Variants in TINF2 observed in about 807,000 individuals in gnomAD.
TINF2 encodes the protein TERF1-interacting nuclear factor 2.
In TINF2, 27 loss-of-function variants were observed where a neutral mutation model predicts 50.4. The observed-to-expected ratio is 0.54, with a 90% confidence interval of 0.40 to 0.74. The LOEUF (loss-of-function observed/expected upper bound fraction) is 0.74. Ranked by LOEUF, TINF2 falls within the 30% of genes least tolerant of loss-of-function variation. The pLI, the probability that TINF2 is intolerant of heterozygous loss-of-function variation, is 0.00. For missense variants in TINF2, 496 were observed against 551.5 expected (o/e 0.90, Z 1.01); for synonymous variants, 223 against 214.6 (o/e 1.04, Z -0.34).
In TINF2 at chr14:24,239,882, G is replaced by A. The variant is rs1346082542; in HGVS notation, c.1271C>T (p.Thr424Ile). ...AGAAGGGGGTAGGTATTCACAGAGA[G>A]TGGGTATCAAGGTGTCAAACTTTGT... is the stretch of plus-strand genomic sequence containing the variant. ...QKTKFDTLIPTLCEYLPPSGH... is the reference protein window; with the variant it reads ...QKTKFDTLIPILCEYLPPSGH... The change falls in exon 9 of 9, where the codon ACT (threonine) becomes ATT (isoleucine). Residue 424 changes from threonine (T) to isoleucine (I), a missense_variant. Transcript: ENST00000267415. The A allele has an allele frequency of 6.2e-7, 1 of 1,614,236 alleles. No individual in the cohort carries two copies. The highest frequency in any genetic ancestry group is 1.1e-5 in the South Asian group (1 of 91,084).
Position 24,241,785 on chromosome 14 carries a change from G to A in TINF2, c.298-9C>T, listed in dbSNP as rs748423193. 4 of 1,613,734 alleles carry A rather than the reference G, an allele frequency of 2.5e-6. No homozygotes were observed. Among genetic ancestry groups the A allele is most frequent in the Non-Finnish European group, 3.4e-6 (4 of 1,179,762 alleles). ...CTCAGATCCTGCTTTGTCTGTTGAG[G>A]ATACAGAAGACAGAGAAGTTAGCAC... On this transcript the variant is annotated splice_polypyrimidine_tract_variant and intron_variant, in intron 2 of 8. Coordinates refer to ENST00000267415, the MANE Select transcript of TINF2 (RefSeq NM_001099274.3).
chr14:24,241,416 G>A (rs1194939831), intron 3 of TINF2, 105 bp from the exon 4 acceptor site: 1 of 1,170,292 alleles, frequency 8.5e-7, no homozygotes, highest in Non-Finnish European at 1.3e-6. Context: ...GATCACTTGA[G>A]GTCAGGAGTT....
Position 24,241,926 on chromosome 14 carries a change from A to C in TINF2, c.261T>G (p.Phe87Leu). The C allele has an allele frequency of 6.2e-7, 1 of 1,614,200 alleles. No individual in the cohort carries two copies. Residue 87 changes from phenylalanine to leucine, a missense_variant, in exon 2 of 9, where the codon TTT becomes TTG. Phe to Leu is a conservative substitution (Grantham distance 22, BLOSUM62 0). This residue lies in a region of TINF2 where 314 missense variants were observed against 343.8 expected (regional missense o/e 0.91). Transcript: ENST00000267415. ...AQVLKALNHHFPESGPIVRDP... is the reference protein window; with the variant it reads ...AQVLKALNHHLPESGPIVRDP... ...CCCGCACTATAGGTCCAGATTCTGG[A>C]AAGTGGTGATTCAGGGCTTTCAGGA...
At position 24,240,142 on chromosome 14, in the gene TINF2, A is replaced by C. The variant is rs779074988; in HGVS notation, c.1143T>G (p.Ser381=). ...PRARKPVCPP[S]LCSSVITIGD... ...CTATGGTAATGACGGAGCTGCACAG[A>C]GACGGAGGACACACTGTAGGAGGGA... Residue 381 remains serine (S), a synonymous_variant, in exon 8 of 9, where the codon TCT becomes TCG. Transcript: ENST00000267415. 1 of 1,614,054 alleles carries C rather than the reference A, an allele frequency of 6.2e-7. No homozygotes were observed. The highest frequency in any genetic ancestry group is 1.1e-5 in the South Asian group (1 of 91,072).
chr14:24,240,316 C>T lies in TINF2; in HGVS notation c.1076G>A (p.Cys359Tyr), dbSNP rs368350757. 24 of 1,613,838 alleles carry T rather than the reference C, an allele frequency of 1.5e-5. No homozygotes were observed. The highest frequency in any genetic ancestry group is 4.4e-5 in the South Asian group (4 of 91,078). ...ATEQKENCLD[C>Y]YMDPLRLSLL... The stretch of plus-strand genomic sequence containing the variant: ...TGATAGTCTCAGGGGGTCCATGTAG[C>T]AATCCAAGCAATTCCTGAGGTGAGA... The change falls in exon 7 of 9, where the codon TGC becomes TAC. Residue 359 changes from cysteine to tyrosine, a missense_variant. Cys to Tyr is a radical substitution (Grantham distance 194). Transcript: ENST00000267415.
rs767648367 is a variant in TINF2 at position 24,242,272 on chromosome 14, G to C, written c.61C>G (p.Gln21Glu). The C allele has an allele frequency of 2.5e-5, 40 of 1,613,940 alleles. No individual in the cohort carries two copies. Among genetic ancestry groups the C allele is most frequent in the Non-Finnish European group, 3.3e-5 (39 of 1,180,040 alleles). The stretch of plus-strand genomic sequence containing the variant: ...TCCACGCAGCGTCCGCGCACAACCT[G>C]CCAGCTAGCCGCGGCGGCGAAGCGT... ...ALRFAAAASW[Q>E]VVRGRCVEHF... Residue 21 changes from glutamine to glutamate, a missense_variant, in exon 1 of 9, where the codon CAG becomes GAG. Physicochemically the swap from Gln to Glu is conservative, Grantham distance 29. Around this residue, in one of 3 missense-constraint regions of TINF2, gnomAD observed 314 missense variants for 343.8 expected, o/e 0.91. Coordinates refer to ENST00000267415, the MANE Select transcript of TINF2 (RefSeq NM_001099274.3).
Position 24,240,325 on chromosome 14 carries a change from C to T in TINF2, c.1067G>A (p.Cys356Tyr), listed in dbSNP as rs1459244615. The change falls in exon 7 of 9, where the codon TGC (cysteine) becomes TAC (tyrosine). Residue 356 changes from cysteine (C) to tyrosine (Y), a missense_variant. By Grantham distance (194) the Cys-to-Tyr change is radical. This residue lies in a region of TINF2 where 179 missense variants were observed against 188.3 expected (regional missense o/e 0.95). Transcript: ENST00000267415. Reference protein sequence around the residue: ...DLPATEQKENCLDCYMDPLRL... With the variant: ...DLPATEQKENYLDCYMDPLRL... ...CAGGGGGTCCATGTAGCAATCCAAG[C>T]AATTCCTGAGGTGAGAGCAAGCAAA... 8 of 1,613,990 alleles carry T rather than the reference C, an allele frequency of 5.0e-6. No individual in the cohort carries two copies. Among genetic ancestry groups the T allele is most frequent in the Non-Finnish European group, 6.8e-6 (8 of 1,180,014 alleles).
Position 24,240,109 on chromosome 14 carries a change from C to T in TINF2, c.1176G>A (p.Leu392=), listed in dbSNP as rs1359013328. 6.2e-7 allele frequency: 1 copy of T among 1,614,048 alleles called. No homozygotes were observed. The highest frequency in any genetic ancestry group is 1.7e-5 in the Admixed American group (1 of 60,018). The change falls in exon 8 of 9, where the codon TTG becomes TTA. Residue 392 remains leucine, a synonymous_variant. Coordinates refer to ENST00000267415, the MANE Select transcript of TINF2 (RefSeq NM_001099274.3). The part of the protein sequence containing the change: ...LCSSVITIGD[L]VLDSDEEENG... Reference sequence around the variant, plus strand: ...TTTCTTCCTCATCAGAGTCTAAAACCAAGTCCCCTATGGTAATGACGGAGC... The same window carrying T: ...TTTCTTCCTCATCAGAGTCTAAAACTAAGTCCCCTATGGTAATGACGGAGC...
rs1468911267 is a variant in TINF2 at position 24,240,697 on chromosome 14, G to A, written c.783C>T (p.Ala261=). The change falls in exon 6 of 9, where the codon GCC becomes GCT. Residue 261 remains alanine, a synonymous_variant. Transcript: ENST00000267415. ...ACTGAACTCTTCGTCGGCCTAGAGG[G>A]GCCAGATTGAAGTGTCGGCCAGCTA... ...EPLAGRHFNL[A]PLGRRRVQSQ... is the part of the protein sequence containing the mutation. The A allele has an allele frequency of 1.9e-6, 3 of 1,613,976 alleles. No homozygotes were observed.
Position 24,240,158 on chromosome 14 carries a change from G to A in TINF2, c.1130-3C>T. The A allele has an allele frequency of 6.2e-7, 1 of 1,614,064 alleles. No homozygotes were observed. The highest frequency in any genetic ancestry group is 8.5e-7 in the Non-Finnish European group (1 of 1,179,990). On this transcript the variant is annotated splice_polypyrimidine_tract_variant and splice_region_variant and intron_variant, in intron 7 of 8. Coordinates refer to ENST00000267415, the MANE Select transcript of TINF2 (RefSeq NM_001099274.3). ...GCTGCACAGAGACGGAGGACACACT[G>A]TAGGAGGGAAACCAGAATCAAACTA...
Position 24,240,150 on chromosome 14 carries a change from G to A in TINF2, c.1135C>T (p.Pro379Ser). ...LPPRARKPVCPPSLCSSVITI... is the reference protein window; with the variant it reads ...LPPRARKPVCSPSLCSSVITI... ...ATGACGGAGCTGCACAGAGACGGAG[G>A]ACACACTGTAGGAGGGAAACCAGAA... is the stretch of plus-strand genomic sequence containing the variant. Residue 379 changes from proline (P) to serine (S), a missense_variant, in exon 8 of 9, where the codon CCT becomes TCT. By Grantham distance (74) the Pro-to-Ser change is moderately conservative. Transcript: ENST00000267415. 2 of 1,613,998 alleles carry A rather than the reference G, an allele frequency of 1.2e-6. No homozygotes were observed. The highest frequency in any genetic ancestry group is 2.2e-5 in the South Asian group (2 of 91,084).
At position 24,241,237 on chromosome 14, in the gene TINF2, C is replaced by T. The variant is rs769860459; in HGVS notation, c.474G>A (p.Leu158=). The T allele has an allele frequency of 1.2e-6, 2 of 1,614,202 alleles. No homozygotes were observed. The highest frequency in any genetic ancestry group is 3.3e-5 in the Admixed American group (2 of 60,028). ...CCTGCGGTGTAGGCAGTGCTTTCTC[C>T]AGCTGACACAAGTACTCAAAAAGCA... ...EKLLFEYLCQ[L]EKALPTPQAQ... Residue 158 remains leucine (L), a synonymous_variant, in exon 4 of 9, where the codon CTG becomes CTA. Transcript: ENST00000267415.
In TINF2 at chr14:24,240,776, T is replaced by C. The variant is rs539398950; in HGVS notation, c.704A>G (p.Lys235Arg). The C allele has an allele frequency of 2.5e-6, 4 of 1,613,820 alleles. No homozygotes were observed. In the South Asian group the frequency reaches 4.4e-5, roughly 18 times the overall value. ...LALHNPLPKAKPGTHLPQGPS... is the reference protein window; with the variant it reads ...LALHNPLPKARPGTHLPQGPS... The stretch of plus-strand genomic sequence containing the variant: ...TCCCTGAGGAAGATGTGTGCCAGGC[T>C]TGGCTTTTGGCAGGGGATTGTGGAG... The change falls in exon 6 of 9, where the codon AAG (lysine) becomes AGG (arginine). Residue 235 changes from lysine (K) to arginine (R), a missense_variant. Around this residue, in one of 3 missense-constraint regions of TINF2, gnomAD observed 314 missense variants for 343.8 expected, o/e 0.91. Coordinates refer to ENST00000267415, the MANE Select transcript of TINF2 (RefSeq NM_001099274.3).
chr14:24,240,544 G>T lies in TINF2; in HGVS notation c.936C>A (p.Tyr312Ter), dbSNP rs201677741. Residue 312 changes from tyrosine to a stop codon, truncating the protein, a stop_gained, in exon 6 of 9, where the codon TAC becomes TAA. Coordinates refer to ENST00000267415, the MANE Select transcript of TINF2 (RefSeq NM_001099274.3). LOFTEE classifies it high-confidence loss of function. ...KPESKEEHAI[Y>*]TADLAMGTRA... Reference sequence around the variant, plus strand: ...TTGTGCCCATGGCTAGGTCTGCTGTGTATATCGCATGTTCTTCCTTGCTCT... The same window carrying T: ...TTGTGCCCATGGCTAGGTCTGCTGTTTATATCGCATGTTCTTCCTTGCTCT... The T allele has an allele frequency of 8.8e-5, 142 of 1,614,176 alleles. No homozygotes were observed. Among genetic ancestry groups the T allele is most frequent in the Non-Finnish European group, 7.4e-5 (87 of 1,180,028 alleles).
In TINF2 at chr14:24,242,612, C is replaced by T. The variant is rs766602; in HGVS notation, c.-280G>A. On this transcript the variant is annotated 5_prime_UTR_variant, in exon 1 of 9. Coordinates refer to ENST00000267415, the MANE Select transcript of TINF2 (RefSeq NM_001099274.3). Reference sequence around the variant, plus strand: ...TTAAACGTCGCCGCTGTCTCGAGCCCGAGGGTGCCTCACTTCCGGCTCCGC... The same window carrying T: ...TTAAACGTCGCCGCTGTCTCGAGCCTGAGGGTGCCTCACTTCCGGCTCCGC... 6 of 1,276,450 alleles carry T rather than the reference C, an allele frequency of 4.7e-6. No individual in the cohort carries two copies. Among genetic ancestry groups the T allele is most frequent in the Non-Finnish European group, 6.0e-6 (6 of 1,007,310 alleles). 79.1% of individuals were successfully genotyped at this position (1,276,450 alleles called of 1,614,324 possible). A position where few individuals can be genotyped will look rare whatever the true frequency, so the allele number is the denominator to read the frequency against.
chr14:24,239,828 C>A lies in TINF2; in HGVS notation c.1325G>T (p.Cys442Phe). ...SGHGAIPVSSCDCRDSSRPL is the reference protein window; with the variant it reads ...SGHGAIPVSSFDCRDSSRPL Reference sequence around the variant, plus strand: ...AGGTCTAGAACTGTCTCTACAGTCACAGGAAGAAACAGGTATGGCACCGTG... The same window carrying A: ...AGGTCTAGAACTGTCTCTACAGTCAAAGGAAGAAACAGGTATGGCACCGTG... The change falls in exon 9 of 9, where the codon TGT becomes TTT. Residue 442 changes from cysteine to phenylalanine, a missense_variant. This residue lies in a region of TINF2 where 179 missense variants were observed against 188.3 expected (regional missense o/e 0.95). Coordinates refer to ENST00000267415, the MANE Select transcript of TINF2 (RefSeq NM_001099274.3). The A allele has an allele frequency of 2.5e-6, 4 of 1,614,180 alleles. No homozygotes were observed. Among genetic ancestry groups the A allele is most frequent in the Non-Finnish European group, 3.4e-6 (4 of 1,180,028 alleles).
Position 24,241,420 on chromosome 14 carries a change from A to C in TINF2, c.400-109T>G, listed in dbSNP as rs992681167. 10 of 1,104,326 alleles carry C rather than the reference A, an allele frequency of 9.1e-6. No individual in the cohort carries two copies. The African/African-American group carries it at 1.4e-4, about 15-fold the overall frequency. The allele number at this position is 1,104,326 out of a possible 1,614,324, so 68.4% of individuals were successfully genotyped here. ...CGAGGTGGGCGGATCACTTGAGGTC[A>C]GGAGTTCGAGACCAGCCTGGCCAAC... is the stretch of plus-strand genomic sequence containing the variant. On this transcript the variant is annotated intron_variant, in intron 3 of 8. Coordinates refer to ENST00000267415, the MANE Select transcript of TINF2 (RefSeq NM_001099274.3).
intron 3 of TINF2, 88 bp downstream of exon 3, chr14:24,241,587 A>G (rs1448990388): frequency 4.2e-6 from 5 of 1,204,220 alleles, no homozygotes; most frequent in Middle Eastern, 1.9e-4. Flanking sequence ...ACTGCACTCC[A>G]GCCTGGGCGA....
At position 24,241,947 on chromosome 14, in the gene TINF2, C is replaced by T. The variant is rs145115622; in HGVS notation, c.240G>A (p.Leu80=). Residue 80 remains leucine (L), a synonymous_variant, in exon 2 of 9, where the codon CTG becomes CTA. Coordinates refer to ENST00000267415, the MANE Select transcript of TINF2 (RefSeq NM_001099274.3). ...ILQGRPWAQV[L]KALNHHFPES... is the part of the protein sequence containing the mutation. ...CTGGAAAGTGGTGATTCAGGGCTTT[C>T]AGGACTTGGGCCCAAGGCCGGCCCT... The T allele has an allele frequency of 1.1e-5, 17 of 1,614,218 alleles. No homozygotes were observed. The highest frequency in any genetic ancestry group is 1.4e-5 in the Non-Finnish European group (17 of 1,180,032).
Sources: gnomAD v4.1 joint callset for allele counts on GRCh38, gnomAD v4.1.1 for gene constraint, gnomAD v4.1.1 regional missense constraint, MANE v1.5 for transcripts, NCBI Gene and HGNC (gene_info 2026-07-23, HGNC 2026-07-21) for gene names.